Variants in PLEKHH2 observed in about 807,000 individuals in gnomAD.
PLEKHH2 encodes the protein pleckstrin homology, MyTH4 and FERM domain containing H2.
Under a neutral mutation model 187.9 loss-of-function variants are expected in PLEKHH2, and 129 were observed. The ratio of observed to expected loss-of-function variants is 0.69; its 90% CI spans 0.59 to 0.79. The LOEUF (loss-of-function observed/expected upper bound fraction) is 0.79, where lower values mean the gene tolerates loss of function less well. PLEKHH2 is among the 30% of genes least tolerant of loss of function. The probability of loss-of-function intolerance (pLI) is 0.00; values close to 1 mark genes in which losing one functional copy is unlikely to be tolerated. For missense variants in PLEKHH2, 2,076 were observed against 1,751.2 expected (o/e 1.19, Z -3.31); for synonymous variants, 686 against 605.6 (o/e 1.13, Z -1.95).
intron 23 of PLEKHH2, among the ~76,000 whole-genome samples, chr2:43,745,617 A>G (rs1451402293): frequency 6.6e-6 from 1 of 152,214 alleles, no homozygotes; most frequent in Non-Finnish European, 1.5e-5. Context: ...CCTACATTAC[A>G]GTTCCTTTTT....
chr2:43,640,473 C>T (rs748818117), intron 1 of PLEKHH2, among the ~76,000 whole-genome samples: 2 of 152,138 alleles, frequency 1.3e-5, no homozygotes, highest in East Asian at 1.9e-4. Flanking sequence ...GGATTACAGG[C>T]GTGAGCCACC....
intron 24 of PLEKHH2, among the ~76,000 whole-genome samples, chr2:43,746,859 A>T (rs1174005547): frequency 6.6e-6 from 1 of 151,908 alleles, no homozygotes; most frequent in Non-Finnish European, 1.5e-5. Context: ...AGTCCCAGCT[A>T]CTTGGGAGGC....
chr2:43,641,456 A>T (rs1276705897), intron 1 of PLEKHH2, among the ~76,000 whole-genome samples: 2 of 151,778 alleles, frequency 1.3e-5, no homozygotes, highest in Non-Finnish European at 2.9e-5. Context: ...GTGGCCCAAA[A>T]CAAATTTGTA....
rs565735992 is a variant in PLEKHH2, at chr2:43,700,558, G to T, written c.1600G>T (p.Val534Leu). 2 of 1,613,040 alleles carry T rather than the reference G, an allele frequency of 1.2e-6. No individual in the cohort carries two copies. Among genetic ancestry groups the T allele is most frequent in the East Asian group, 4.5e-5 (2 of 44,904 alleles). ...GGAACACTGTGACTCAGCAAAGAAG[G>T]TGGCATACAGCAAACCTCCAACTCC... ...DQEHCDSAKK[V>L]AYSKPPTPPL... The change falls in exon 8 of 30, where the codon GTG (valine) becomes TTG (leucine). Residue 534 changes from valine (V) to leucine (L), a missense_variant. Physicochemically the swap from Val to Leu is conservative, Grantham distance 32 (BLOSUM62 1). Transcript: ENST00000282406.
In PLEKHH2 at chr2:43,726,446, G is replaced by A. The variant is rs1186500948; in HGVS notation, c.2716G>A (p.Glu906Lys). 2.5e-6 allele frequency: 4 copies of A among 1,600,654 alleles called. No individual in the cohort carries two copies. Among genetic ancestry groups the A allele is most frequent in the African/African-American group, 1.3e-5 (1 of 74,692 alleles). Residue 906 changes from glutamate to lysine, a missense_variant, in exon 17 of 30, where the codon GAA (glutamate) becomes AAA (lysine). Physicochemically the swap from Glu to Lys is moderately conservative, Grantham distance 56. Transcript: ENST00000282406. ...PTYLLIGSKH[E>K]KDTWLYHLTV... ...TTACCTCCTAATTGGATCCAAGCAT[G>A]AAAAGGTATTCAAAGACTTATTGGT...
At chr2:43,742,147 T>A (rs1389423470) in intron 21 of PLEKHH2, among the ~76,000 whole-genome samples, 1 of 151,914 alleles carries the variant, frequency 6.6e-6, no homozygotes, top group Non-Finnish European at 1.5e-5. Context: ...ACTACAAGCG[T>A]GCGCCACCAC....
At chr2:43,677,902 GAC>G (rs1667920557) in intron 2 of PLEKHH2, among the ~76,000 whole-genome samples, 2 of 45,486 alleles carry the variant, frequency 4.4e-5, no homozygotes, top group African/African-American at 9.1e-5. Flanking sequence ...CTCCCTCCAG[GAC>G]GGGGCGGCTG....
chr2:43,766,471 G>A lies in PLEKHH2; in HGVS notation c.*873G>A, dbSNP rs2104636621. The A allele has an allele frequency of 6.5e-6, 1 of 152,786 alleles. No individual in the cohort carries two copies. Among genetic ancestry groups the A allele is most frequent in the Admixed American group, 6.5e-5 (1 of 15,292 alleles). 9.5% of individuals were successfully genotyped at this position (152,786 alleles called of 1,614,324 possible). On this transcript the variant is annotated 3_prime_UTR_variant, in exon 30 of 30. Coordinates refer to ENST00000282406, the MANE Select transcript of PLEKHH2 (RefSeq NM_172069.4). ...AGATTCCCTACACATACATACATAT[G>A]TATGCACAGATAGGGTCTTGCTATG...
intron 3 of PLEKHH2, chr2:43,681,070 C>T: frequency 7.9e-7 from 1 of 1,269,548 alleles, no homozygotes; most frequent in Non-Finnish European, 1.1e-6. Context: ...TTCCAATCTA[C>T]TGTTCCACTA....
chr2:43,677,995 G>A (rs1436763432), intron 2 of PLEKHH2, among the ~76,000 whole-genome samples: 3 of 151,746 alleles, frequency 2.0e-5, no homozygotes, highest in Non-Finnish European at 4.4e-5. Context: ...TTCTCAGACG[G>A]GGCGGTTGCC....
chr2:43,674,651 C>T (rs76633321), intron 2 of PLEKHH2, among the ~76,000 whole-genome samples: 3,817 of 152,276 alleles, frequency 0.025, 52 homozygotes, highest in South Asian at 0.061. Flanking sequence ...TTTGAAACCT[C>T]TTCCAGAATC....
At chr2:43,748,373 G>C (rs1263413561) in intron 24 of PLEKHH2, among the ~76,000 whole-genome samples, 2 of 152,196 alleles carry the variant, frequency 1.3e-5, no homozygotes, top group African/African-American at 4.8e-5. Flanking sequence ...ACTTTATCAA[G>C]GTATCAGTGG....
chr2:43,666,215 C>T (rs1422959029), intron 2 of PLEKHH2, among the ~76,000 whole-genome samples: 4 of 150,436 alleles, frequency 2.7e-5, no homozygotes, highest in Non-Finnish European at 4.4e-5. Context: ...GCGCAGTATT[C>T]GGGTGGGAGT....
Position 43,720,984 on chromosome 2 carries a change from C to T in PLEKHH2, c.2541+235C>T, listed in dbSNP as rs147814195. Among the ~76,000 whole-genome samples, 283 of 152,252 alleles carry T rather than the reference C, an allele frequency of 1.9e-3. 1 individual carries two copies. Among genetic ancestry groups the T allele is most frequent in the African/African-American group, 6.6e-3 (275 of 41,550 alleles). Reference sequence around the variant, plus strand: ...CTTTTAATTAATGCATCTTCTAAGACCTAGAACAGTCTTCTTCTATTCCCT... The same window carrying T: ...CTTTTAATTAATGCATCTTCTAAGATCTAGAACAGTCTTCTTCTATTCCCT... On this transcript the variant is annotated intron_variant, in intron 16 of 29. Coordinates refer to ENST00000282406, the MANE Select transcript of PLEKHH2 (RefSeq NM_172069.4).
intron 3 of PLEKHH2, chr2:43,681,196 A>C (rs1044517815): frequency 1.5e-6 from 1 of 676,680 alleles, no homozygotes; most frequent in African/African-American, 1.8e-5. Context: ...TTCCTCAAAG[A>C]ATACAGAAAG....
chr2:43,737,909 T>A (rs1049638758), intron 19 of PLEKHH2, among the ~76,000 whole-genome samples: 3 of 152,108 alleles, frequency 2.0e-5, no homozygotes, highest in African/African-American at 7.2e-5. Context: ...CTTCACATGT[T>A]CAGGAAGGTA....
chr2:43,743,726 A>G, intron 22 of PLEKHH2, 108 bp from the exon 23 acceptor site: 1 of 1,059,984 alleles, frequency 9.4e-7, no homozygotes, highest in African/African-American at 1.6e-5. Context: ...ACCTAGAAAA[A>G]TATGTTATCA....
Position 43,757,188 on chromosome 2 carries a change from A to C in PLEKHH2, c.3865A>C (p.Asn1289His). 6.2e-7 allele frequency: 1 copy of C among 1,605,414 alleles called. No individual in the cohort carries two copies. Among genetic ancestry groups the C allele is most frequent in the African/African-American group, 1.3e-5 (1 of 74,538 alleles). Residue 1289 changes from asparagine to histidine, a missense_variant, in exon 26 of 30, where the codon AAT becomes CAT. Transcript: ENST00000282406. ...GCATGTTACCAATCAGTGCAAAGTG[A>C]ATCAAACTCTAAAGCAAGTCATAGA... is the stretch of plus-strand genomic sequence containing the variant. ...AGHVTNQCKV[N>H]QTLKQVIEKF...
intron 2 of PLEKHH2, chr2:43,675,358 C>G (rs775845896): frequency 1.3e-6 from 2 of 1,541,006 alleles, no homozygotes; most frequent in African/African-American, 2.7e-5. Flanking sequence ...CAGCACAGGT[C>G]TATTATTCTC....
Sources: allele counts gnomAD v4.1 joint callset (sites outside exome capture counted in the v4.1 genomes callset), GRCh38; gene constraint gnomAD v4.1.1; transcripts MANE v1.5; gene names NCBI Gene and HGNC (gene_info 2026-07-23, HGNC 2026-07-21).